The following RANBP2 variants were observed in gnomAD, a reference collection of about 807,000 sequenced individuals.
The protein encoded by RANBP2 is RAN binding protein 2.
RANBP2 carries 57 observed loss-of-function variants against 303.6 expected under a neutral mutation model. The ratio of observed to expected loss-of-function variants is 0.19; its 90% CI spans 0.15 to 0.23. RANBP2 has a LOEUF of 0.23. RANBP2 is among the 10% of genes least tolerant of loss of function. RANBP2 has a pLI of 1.00. For synonymous variants in RANBP2, 1,167 were observed against 1,301.5 expected (o/e 0.90, Z 2.23); for missense variants, 3,138 against 3,780.8 (o/e 0.83, Z 4.46).
At chr2:109,239,888 G>C in the RANBP2 span, among the ~76,000 whole-genome samples, 1 of 152,206 alleles carries the variant, frequency 6.6e-6, no homozygotes, top group Non-Finnish European at 1.5e-5. Flanking sequence ...AATGTGTGCT[G>C]AAGGTGAGGA....
chr2:108,901,118 C>A, the RANBP2 span, among the ~76,000 whole-genome samples: 37 of 152,246 alleles, frequency 2.4e-4, no homozygotes, highest in African/African-American at 8.9e-4. Flanking sequence ...TAAACCTCAA[C>A]AAATTAAAAG....
chr2:108,914,944 ACT>A, the RANBP2 span, among the ~76,000 whole-genome samples: 1 of 152,078 alleles, frequency 6.6e-6, no homozygotes, highest in African/African-American at 2.4e-5. Flanking sequence ...ACAAGGTCTC[ACT>A]CTGTCACCCA....
chr2:109,470,798 A>C, the RANBP2 span, among the ~76,000 whole-genome samples: 1 of 152,252 alleles, frequency 6.6e-6, no homozygotes, highest in African/African-American at 2.4e-5. Flanking sequence ...GACCCTTTGC[A>C]GGGAAGTCAG....
Position 108,753,580 on chromosome 2 carries a change from C to T in RANBP2, c.2055+17C>T, listed in dbSNP as rs1558906006. 3.1e-6 allele frequency: 5 copies of T among 1,605,208 alleles called. No homozygotes were observed. The highest frequency in any genetic ancestry group is 4.2e-6 in the Non-Finnish European group (5 of 1,178,126). On this transcript the variant is annotated intron_variant, in intron 14 of 28. Transcript: ENST00000283195. ...CTTGCACTGGTAAGTAGATGCAGTACTTGAGCTAAAAGTTTTATTTATTTA... is the reference window on the plus strand; with the variant it reads ...CTTGCACTGGTAAGTAGATGCAGTATTTGAGCTAAAAGTTTTATTTATTTA...
chr2:109,593,168 C>A, the RANBP2 span: 1 of 1,250,294 alleles, frequency 8.0e-7, no homozygotes, highest in Non-Finnish European at 1.1e-6. Context: ...CATTACTCCC[C>A]AAACCCCATT....
At position 108,764,731 on chromosome 2, in the gene RANBP2, A is replaced by G. The variant is rs779588314; in HGVS notation, c.4192A>G (p.Lys1398Glu). 1 of 1,614,080 alleles carries G rather than the reference A, an allele frequency of 6.2e-7. No homozygotes were observed. Among genetic ancestry groups the G allele is most frequent in the Non-Finnish European group, 8.5e-7 (1 of 1,179,978 alleles). Reference protein sequence around the residue: ...PPLAETVFTPKTSPENVQDRF... With the variant: ...PPLAETVFTPETSPENVQDRF... ...ATTAGCTGAAACTGTTTTTACTCCT[A>G]AAACCAGCCCAGAGAATGTTCAAGA... The change falls in exon 20 of 29, where the codon AAA becomes GAA. Residue 1398 changes from lysine (K) to glutamate (E), a missense_variant. Transcript: ENST00000283195.
the RANBP2 span, among the ~76,000 whole-genome samples, chr2:109,195,565 G>A: frequency 2.6e-5 from 4 of 152,324 alleles, no homozygotes; most frequent in Admixed American, 6.5e-5. Flanking sequence ...CCTAACCCTC[G>A]CATGCTTGAT....
At chr2:108,783,561 A>T (rs748419583) in intron 28 of RANBP2, 35 bp from the exon 29 acceptor site, 34 of 1,522,322 alleles carry the variant, frequency 2.2e-5, no homozygotes, top group Admixed American at 8.8e-5. Context: ...ATTGAAAAAA[A>T]TTTTTAACTT....
At chr2:108,872,479 T>C in the RANBP2 span, among the ~76,000 whole-genome samples, 2 of 152,218 alleles carry the variant, frequency 1.3e-5, no homozygotes, top group Non-Finnish European at 1.5e-5. Context: ...TCTCCAGTGC[T>C]CCATTCCTAG....
At chr2:109,721,754 T>TAA in the RANBP2 span, among the ~76,000 whole-genome samples, 5 of 152,346 alleles carry the variant, frequency 3.3e-5, no homozygotes, top group East Asian at 9.7e-4. Flanking sequence ...GGAGGCCCGC[T>TAA]AGTGTCTGCC....
At chr2:109,300,523 A>AG in the RANBP2 span, among the ~76,000 whole-genome samples, 444 of 152,256 alleles carry the variant, frequency 2.9e-3, 2 homozygotes, top group African/African-American at 0.01. Context: ...AGTGAGGAAA[A>AG]GACATGAATC....
At chr2:109,474,816 C>T in the RANBP2 span, among the ~76,000 whole-genome samples, 1 of 152,254 alleles carries the variant, frequency 6.6e-6, no homozygotes, top group Non-Finnish European at 1.5e-5. Context: ...AGCAAGTGCC[C>T]AGGGCCAGTG....
At chr2:108,848,323 G>A in the RANBP2 span, among the ~76,000 whole-genome samples, 2 of 152,192 alleles carry the variant, frequency 1.3e-5, no homozygotes, top group Admixed American at 1.3e-4. Context: ...CTTGTGTGCA[G>A]CAGTTTTGGA....
chr2:109,461,795 C>A, the RANBP2 span, among the ~76,000 whole-genome samples: 2 of 152,372 alleles, frequency 1.3e-5, no homozygotes, highest in South Asian at 2.1e-4. Context: ...TTCACAGCAG[C>A]CTGGACCTGT....
At chr2:109,107,341 A>C in the RANBP2 span, among the ~76,000 whole-genome samples, 1 of 151,978 alleles carries the variant, frequency 6.6e-6, no homozygotes, top group Non-Finnish European at 1.5e-5. Flanking sequence ...ATGTAGTTTG[A>C]AACTGAGGAG....
At chr2:109,384,841 C>G in the RANBP2 span, among the ~76,000 whole-genome samples, 1 of 152,316 alleles carries the variant, frequency 6.6e-6, no homozygotes, top group Admixed American at 6.5e-5. Flanking sequence ...AACTCCAACC[C>G]GATGGTTCCC....
chr2:109,007,366 T>C, the RANBP2 span, among the ~76,000 whole-genome samples: 1 of 152,348 alleles, frequency 6.6e-6, no homozygotes, highest in South Asian at 2.1e-4. Flanking sequence ...TTGCTGGGTG[T>C]ATGGCTGTTT....
At chr2:108,762,044 C>G in intron 18 of RANBP2, 57 bp from the exon 19 acceptor site, 1 of 1,591,700 alleles carries the variant, frequency 6.3e-7, no homozygotes, top group Non-Finnish European at 8.5e-7. Context: ...CCTAGATAGT[C>G]TTAACTGTAG....
the RANBP2 span, among the ~76,000 whole-genome samples, chr2:109,576,643 A>G: frequency 6.6e-6 from 1 of 152,196 alleles, no homozygotes; most frequent in Admixed American, 6.5e-5. Context: ...AATGACCTGA[A>G]ATAGGTCAGT....
Sources: allele counts gnomAD v4.1 joint callset (sites outside exome capture counted in the v4.1 genomes callset), GRCh38; gene constraint gnomAD v4.1.1; transcripts MANE v1.5; gene names NCBI Gene and HGNC (gene_info 2026-07-23, HGNC 2026-07-21).